ANO3: variants seen among roughly 807,000 people sequenced by gnomAD.
ANO3 encodes anoctamin-3.
In ANO3, 99 loss-of-function variants were observed where a neutral mutation model predicts 144.8. The ratio of observed to expected loss-of-function variants is 0.68; its 90% CI spans 0.58 to 0.81. The LOEUF (loss-of-function observed/expected upper bound fraction) is 0.81, where lower values mean the gene tolerates loss of function less well. Ranked by LOEUF, ANO3 falls within the 30% of genes least tolerant of loss-of-function variation. The probability of loss-of-function intolerance (pLI) is 0.00; values close to 1 mark genes in which losing one functional copy is unlikely to be tolerated. For missense variants in ANO3, 905 were observed against 1,202.2 expected, an observed-to-expected ratio of 0.75 and a Z score of 3.66; for synonymous variants, 414 against 392.6, an observed-to-expected ratio of 1.05 and a Z score of -0.64.
At chr11:26,264,267 T>A (rs757639412) in intron 1 of ANO3, among the ~76,000 whole-genome samples, 9 of 152,222 alleles carry the variant, frequency 5.9e-5, no homozygotes, top group African/African-American at 9.6e-5. Context: ...TTTAATTAAA[T>A]GAGTCAAATG....
chr11:26,378,894 GT>G (rs5790575), intron 1 of ANO3, among the ~76,000 whole-genome samples: 4 of 146,806 alleles, frequency 2.7e-5, no homozygotes, highest in South Asian at 2.2e-4. Context: ...AGGAGGCTAA[GT>G]TTTTTTTTAA....
intron 1 of ANO3, among the ~76,000 whole-genome samples, chr11:26,245,859 G>T (rs776742634): frequency 2.0e-5 from 3 of 152,172 alleles, no homozygotes; most frequent in Non-Finnish European, 4.4e-5. Context: ...ACGATGGCCT[G>T]TTGCAAAATC....
At chr11:26,651,860 A>T (rs1853543727) in intron 24 of ANO3, among the ~76,000 whole-genome samples, 1 of 152,162 alleles carries the variant, frequency 6.6e-6, no homozygotes, top group Non-Finnish European at 1.5e-5. Flanking sequence ...ATGGAGATAA[A>T]ATATATATGT....
chr11:26,424,526 T>C (rs11029552), intron 1 of ANO3, among the ~76,000 whole-genome samples: 53,443 of 151,856 alleles, frequency 0.35, 11,018 homozygotes, highest in African/African-American at 0.58. Context: ...AGTCCAACAT[T>C]TTTACTATCA....
intron 1 of ANO3, among the ~76,000 whole-genome samples, chr11:26,269,244 C>T (rs1460051836): frequency 6.6e-6 from 1 of 152,178 alleles, no homozygotes; most frequent in African/African-American, 2.4e-5. Flanking sequence ...ACTCAGTGGC[C>T]TCTTTATCAG....
chr11:26,264,803 A>AT (rs1373517369), intron 1 of ANO3, among the ~76,000 whole-genome samples: 14 of 152,084 alleles, frequency 9.2e-5, no homozygotes, highest in African/African-American at 3.4e-4. Context: ...TATATAAGAC[A>AT]ATAGTCATAT....
chr11:26,235,265 C>T (rs1036830741), intron 1 of ANO3, among the ~76,000 whole-genome samples: 1 of 152,154 alleles, frequency 6.6e-6, no homozygotes, highest in Non-Finnish European at 1.5e-5. Flanking sequence ...CAATTATATT[C>T]CCATATACAA....
intron 3 of ANO3, among the ~76,000 whole-genome samples, chr11:26,447,667 A>AT (rs200504180): frequency 0.022 from 3,270 of 150,336 alleles, 41 homozygotes; most frequent in South Asian, 0.049. Flanking sequence ...AATGAGTTTG[A>AT]TTTTTTTTTT....
chr11:26,542,086 A>C lies in ANO3; in HGVS notation c.1154+18A>C. 1 of 1,603,814 alleles carries C rather than the reference A, an allele frequency of 6.2e-7. No homozygotes were observed. The highest frequency in any genetic ancestry group is 8.5e-7 in the Non-Finnish European group (1 of 1,175,684). ...TTAATCAGGTACTGCAAATGGAACA[A>C]TAATGAAAAGCAAAGTATTCTGTTT... On this transcript the variant is annotated intron_variant, in intron 11 of 26. Coordinates refer to ENST00000256737, the MANE Select transcript of ANO3 (RefSeq NM_031418.4).
Position 26,199,501 on chromosome 11 carries a change from G to A in ANO3, c.154+10171G>A, listed in dbSNP as rs556705561. Among the ~76,000 whole-genome samples the A allele has an allele frequency of 3.3e-5, 5 of 152,182 alleles. No individual in the cohort carries two copies. The South Asian group carries it at 1.0e-3, about 32-fold the overall frequency. On this transcript the variant is annotated intron_variant, in intron 1 of 27. Transcript: ENST00000672621. ...GTTCCTGTTTGTGATTTCATGCAGG[G>A]ATGGGACACAGGAATAAATTTATAC...
At chr11:26,651,052 TCCCAA>T in intron 24 of ANO3, among the ~76,000 whole-genome samples, 1 of 152,306 alleles carries the variant, frequency 6.6e-6, no homozygotes, top group African/African-American at 2.4e-5. Context: ...CCTAAAAGCT[TCCCAA>T]TTTTTTTTCT....
At position 26,540,547 on chromosome 11, in the gene ANO3, A is replaced by T. The variant is rs556777233; in HGVS notation, c.1033-1400A>T. On this transcript the variant is annotated intron_variant, in intron 10 of 26. Coordinates refer to ENST00000256737, the MANE Select transcript of ANO3 (RefSeq NM_031418.4). ...TACAGAATGAGAGAAAAATTTTGCA[A>T]TCTATTGATCTGGGCTAATATCCAG... Among the ~76,000 whole-genome samples the T allele has an allele frequency of 1.6e-4, 25 of 152,234 alleles. 1 individual carries two copies. In the South Asian group the frequency reaches 5.2e-3, roughly 31 times the overall value.
At chr11:26,461,025 C>T (rs1859374490) in intron 3 of ANO3, among the ~76,000 whole-genome samples, 1 of 151,982 alleles carries the variant, frequency 6.6e-6, no homozygotes, top group South Asian at 2.1e-4. Context: ...GCTGTTTAAC[C>T]AAACCAGGAT....
intron 4 of ANO3, among the ~76,000 whole-genome samples, chr11:26,495,464 T>C (rs1860896816): frequency 6.6e-6 from 1 of 152,074 alleles, no homozygotes; most frequent in Non-Finnish European, 1.5e-5. Context: ...GCTAAGCTCA[T>C]GGAAAAATAG....
At chr11:26,210,210 C>A (rs1448073278) in intron 1 of ANO3, among the ~76,000 whole-genome samples, 5 of 152,140 alleles carry the variant, frequency 3.3e-5, no homozygotes, top group Non-Finnish European at 7.4e-5. Context: ...ATATGGCTAG[C>A]CAGTTTTCCC....
intron 4 of ANO3, among the ~76,000 whole-genome samples, chr11:26,496,770 G>A (rs1330171713): frequency 6.6e-6 from 1 of 151,906 alleles, no homozygotes; most frequent in Non-Finnish European, 1.5e-5. Context: ...GTGAGAACAT[G>A]CAGTATTTGA....
At chr11:26,451,515 C>A (rs867476810) in intron 3 of ANO3, among the ~76,000 whole-genome samples, 1 of 152,146 alleles carries the variant, frequency 6.6e-6, no homozygotes, top group Non-Finnish European at 1.5e-5. Context: ...AACTGCAAGG[C>A]GGCAGCAAGG....
At chr11:26,657,904 A>G (rs72881799) in intron 26 of ANO3, among the ~76,000 whole-genome samples, 3,685 of 152,096 alleles carry the variant, frequency 0.024, 55 homozygotes, top group South Asian at 0.04. Flanking sequence ...TATTTTCCCC[A>G]TTCTATCAGT....
chr11:26,446,146 T>C (rs1858695551), intron 3 of ANO3, among the ~76,000 whole-genome samples: 1 of 152,208 alleles, frequency 6.6e-6, no homozygotes, highest in Non-Finnish European at 1.5e-5. Context: ...TAATTGCCTT[T>C]GAAAAGAAGA....
Sources: gnomAD v4.1 joint callset for allele counts (sites outside exome capture counted in the v4.1 genomes callset) on GRCh38, gnomAD v4.1.1 for gene constraint, MANE v1.5 for transcripts, NCBI Gene and HGNC (gene_info 2026-07-23, HGNC 2026-07-21) for gene names.